Variants in PDSS2 observed in about 807,000 individuals in gnomAD.
PDSS2 encodes all trans-polyprenyl-diphosphate synthase PDSS2.
PDSS2 carries 31 observed loss-of-function variants against 44.5 expected under a neutral mutation model. The ratio of observed to expected loss-of-function variants is 0.70; its 90% CI spans 0.52 to 0.94. The LOEUF (loss-of-function observed/expected upper bound fraction) is 0.94. PDSS2 is among the 40% of genes least tolerant of loss of function. The pLI is 0.00. For synonymous variants in PDSS2, 157 were observed against 180.3 expected, an observed-to-expected ratio of 0.87 and a Z score of 1.03; for missense variants, 452 against 482.2, an observed-to-expected ratio of 0.94 and a Z score of 0.59.
intron 7 of PDSS2, among the ~76,000 whole-genome samples, chr6:107,183,820 G>C (rs931025726): frequency 1.3e-5 from 2 of 152,078 alleles, no homozygotes; most frequent in African/African-American, 4.8e-5. Context: ...GCTTGAACCC[G>C]GGAAGTGGAG....
intron 4 of PDSS2, 39 bp downstream of exon 4, chr6:107,245,509 G>T: frequency 1.8e-6 from 2 of 1,134,930 alleles, no homozygotes; most frequent in African/African-American, 1.5e-5. Flanking sequence ...TACCACGACG[G>T]TTTATAACAT....
chr6:107,413,773 G>A (rs1255490355), intron 1 of PDSS2, among the ~76,000 whole-genome samples: 1 of 152,198 alleles, frequency 6.6e-6, no homozygotes, highest in African/African-American at 2.4e-5. Flanking sequence ...GAAAAACAAA[G>A]AACATGGTAC....
chr6:107,418,405 G>C (rs1173917328), intron 1 of PDSS2, among the ~76,000 whole-genome samples: 1 of 152,172 alleles, frequency 6.6e-6, no homozygotes, highest in Non-Finnish European at 1.5e-5. Flanking sequence ...TCTGCCTGCA[G>C]CCTTATTTTA....
intron 1 of PDSS2, among the ~76,000 whole-genome samples, chr6:107,418,499 TG>T (rs1257009685): frequency 6.6e-6 from 1 of 152,068 alleles, no homozygotes; most frequent in Non-Finnish European, 1.5e-5. Flanking sequence ...TGGTTGGGTG[TG>T]GTGGCTCACG....
At chr6:107,408,577 A>G (rs935706416) in intron 1 of PDSS2, among the ~76,000 whole-genome samples, 5 of 152,156 alleles carry the variant, frequency 3.3e-5, no homozygotes, top group Non-Finnish European at 7.4e-5. Context: ...ATGCCTAAAG[A>G]AGCCAGAGCC....
intron 1 of PDSS2, among the ~76,000 whole-genome samples, chr6:107,348,922 G>T (rs528616814): frequency 6.6e-6 from 1 of 152,136 alleles, no homozygotes; most frequent in Non-Finnish European, 1.5e-5. Context: ...TACAGATGGG[G>T]AAACTGAGAC....
At chr6:107,352,834 T>C (rs1320609960) in intron 1 of PDSS2, among the ~76,000 whole-genome samples, 1 of 152,116 alleles carries the variant, frequency 6.6e-6, no homozygotes, top group Admixed American at 6.5e-5. Flanking sequence ...AGGGTTGCTT[T>C]TGAACATCTT....
chr6:107,305,887 T>C (rs1776843908), intron 2 of PDSS2, among the ~76,000 whole-genome samples: 2 of 152,186 alleles, frequency 1.3e-5, no homozygotes, highest in South Asian at 4.1e-4. Flanking sequence ...GCCTTAACAT[T>C]ATATTTAGAC....
intron 1 of PDSS2, among the ~76,000 whole-genome samples, chr6:107,347,326 G>A (rs542395006): frequency 2.7e-5 from 4 of 146,934 alleles, no homozygotes; most frequent in East Asian, 2.0e-4. Context: ...GCAGTGGCGC[G>A]GTCTCAGCTC....
At chr6:107,305,883 A>G (rs1776843430) in intron 2 of PDSS2, among the ~76,000 whole-genome samples, 1 of 152,184 alleles carries the variant, frequency 6.6e-6, no homozygotes, top group Non-Finnish European at 1.5e-5. Flanking sequence ...AGGGGCCTTA[A>G]CATTATATTT....
intron 2 of PDSS2, among the ~76,000 whole-genome samples, chr6:107,328,361 T>A (rs936824562): frequency 2.0e-5 from 3 of 152,220 alleles, no homozygotes; most frequent in African/African-American, 7.2e-5. Context: ...CTTCCTCTAC[T>A]TGACTACTTA....
chr6:107,302,749 A>G (rs1776737160), intron 2 of PDSS2, among the ~76,000 whole-genome samples: 1 of 152,010 alleles, frequency 6.6e-6, no homozygotes, highest in South Asian at 2.1e-4. Context: ...ATAATATAAA[A>G]GTATATCAAT....
chr6:107,413,261 G>A (rs989453128), intron 1 of PDSS2, among the ~76,000 whole-genome samples: 3 of 152,170 alleles, frequency 2.0e-5, no homozygotes, highest in South Asian at 4.1e-4. Flanking sequence ...TGGTATGAGG[G>A]CCAGGTGTGG....
intron 2 of PDSS2, among the ~76,000 whole-genome samples, chr6:107,326,078 T>G (rs1323833658): frequency 6.6e-6 from 1 of 151,852 alleles, no homozygotes; most frequent in Non-Finnish European, 1.5e-5. Flanking sequence ...AAAATACAAT[T>G]ATCTGAACTA....
rs1554262539 is a variant in PDSS2 at position 107,286,136 on chromosome 6, T to TAAAAAAAAA, written c.432-11918_432-11910dup. ...CAAGGAGCAAAACTTCGTCGCAAAATAAAAAAAAAAAAAAGGAAAGAAAAG... is the reference window on the plus strand; with the variant it reads ...CAAGGAGCAAAACTTCGTCGCAAAATAAAAAAAAAAAAAAAAAAAAAAAGGAAAGAAAAG... On this transcript the variant is annotated intron_variant, in intron 2 of 7. Transcript: ENST00000369037. Among the ~76,000 whole-genome samples the TAAAAAAAAA allele has an allele frequency of 4.0e-3, 510 of 128,684 alleles. 11 individuals are homozygous for TAAAAAAAAA. Among genetic ancestry groups the TAAAAAAAAA allele is most frequent in the African/African-American group, 0.015 (486 of 32,438 alleles). 84.4% of individuals were successfully genotyped at this position (128,684 alleles called of 152,430 possible).
intron 3 of PDSS2, among the ~76,000 whole-genome samples, chr6:107,268,961 C>T (rs957554403): frequency 4.0e-5 from 6 of 148,240 alleles, no homozygotes; most frequent in Non-Finnish European, 8.9e-5. Context: ...TTTTTCCATA[C>T]GGAGTTTCGC....
chr6:107,409,865 G>A (rs1298179609), intron 1 of PDSS2, among the ~76,000 whole-genome samples: 5 of 152,138 alleles, frequency 3.3e-5, no homozygotes, highest in Non-Finnish European at 7.4e-5. Context: ...CAGTGAGAAA[G>A]GAGATGAACA....
intron 4 of PDSS2, among the ~76,000 whole-genome samples, chr6:107,232,298 C>G (rs1386481792): frequency 6.6e-6 from 1 of 152,142 alleles, no homozygotes; most frequent in African/African-American, 2.4e-5. Context: ...ACTCCTGGCT[C>G]AAGTGATTCT....
At chr6:107,314,585 G>C (rs1032944663) in intron 2 of PDSS2, among the ~76,000 whole-genome samples, 1 of 152,168 alleles carries the variant, frequency 6.6e-6, no homozygotes, top group Non-Finnish European at 1.5e-5. Flanking sequence ...CTGCTTTCCA[G>C]AGAAATGTCA....
Sources: allele counts gnomAD v4.1 joint callset (sites outside exome capture counted in the v4.1 genomes callset), GRCh38; gene constraint gnomAD v4.1.1; transcripts MANE v1.5; gene names NCBI Gene and HGNC (gene_info 2026-07-23, HGNC 2026-07-21).